CCDC3: variants seen among roughly 807,000 people sequenced by gnomAD.
The protein encoded by CCDC3 is coiled-coil domain-containing protein 3.
CCDC3 carries 24 observed loss-of-function variants against 21.4 expected under a neutral mutation model. That is an observed-to-expected ratio of 1.12 (90% CI 0.81 to 1.58). The LOEUF (loss-of-function observed/expected upper bound fraction) is 1.58. CCDC3 is among the 40% of genes most tolerant of loss of function. CCDC3 has a pLI of 0.00. For synonymous variants in CCDC3, 186 were observed against 166.0 expected (o/e 1.12, Z -0.93); for missense variants, 425 against 360.9 (o/e 1.18, Z -1.44).
At chr10:12,983,152 A>ATATATATATCTATC in intron 2 of CCDC3, among the ~76,000 whole-genome samples, 1 of 65,080 alleles carries the variant, frequency 1.5e-5, no homozygotes, top group South Asian at 5.3e-4. Flanking sequence ...ATATATATAT[A>ATATATATATCTATC]TATATATATA....
chr10:13,034,924 G>C (rs1836358845), intron 5 of CCDC3, among the ~76,000 whole-genome samples: 1 of 152,018 alleles, frequency 6.6e-6, no homozygotes, highest in South Asian at 2.1e-4. Context: ...TACTTGGGAG[G>C]CTGAGGCAGG....
At chr10:12,912,032 C>G (rs904243338) in intron 2 of CCDC3, among the ~76,000 whole-genome samples, 2 of 152,136 alleles carry the variant, frequency 1.3e-5, no homozygotes, top group East Asian at 3.8e-4. Context: ...TGTTCTTTAT[C>G]GATTCATTCA....
intron 1 of CCDC3, among the ~76,000 whole-genome samples, chr10:13,000,014 G>A (rs1002196625): frequency 6.6e-6 from 1 of 152,148 alleles, no homozygotes; most frequent in Non-Finnish European, 1.5e-5. Flanking sequence ...TAGATATTCT[G>A]GCTTCAATAT....
Position 12,968,170 on chromosome 10 carries a change from G to GA in CCDC3, c.549+30167dup, listed in dbSNP as rs201352248. 8.4e-3 allele frequency among the ~76,000 whole-genome samples: 680 copies of GA among 81,066 alleles called. 14 individuals carry two copies. The highest frequency in any genetic ancestry group is 0.082 in the East Asian group (210 of 2,576). The allele number at this position is 81,066 out of a possible 152,430, so 53.2% of individuals were successfully genotyped here. On this transcript the variant is annotated intron_variant, in intron 2 of 2. Transcript: ENST00000378825. The stretch of plus-strand genomic sequence containing the variant: ...GGTGAAAGAGCGAGACTTCACCTCA[G>GA]AAAAAAAAAAGAAAATACAAACACA...
intron 2 of CCDC3, among the ~76,000 whole-genome samples, chr10:12,905,229 C>CG (rs1343273427): frequency 2.0e-5 from 3 of 152,162 alleles, no homozygotes; most frequent in African/African-American, 7.2e-5. Context: ...TGGGCCACAT[C>CG]TGGCCCCCTG....
intron 3 of CCDC3, among the ~76,000 whole-genome samples, chr10:13,097,508 G>A (rs1433282088): frequency 1.3e-5 from 2 of 152,172 alleles, no homozygotes; most frequent in African/African-American, 4.8e-5. Context: ...TGGATCACCC[G>A]AGGTCAGGAG....
chr10:13,085,966 TAA>T (rs60901983), intron 3 of CCDC3, among the ~76,000 whole-genome samples: 13 of 138,348 alleles, frequency 9.4e-5, no homozygotes, highest in Non-Finnish European at 7.8e-5. Context: ...GACTCCCTCT[TAA>T]AAAAAAAAAA....
At chr10:12,979,964 T>C (rs1407609582) in intron 2 of CCDC3, among the ~76,000 whole-genome samples, 4 of 152,194 alleles carry the variant, frequency 2.6e-5, no homozygotes, top group African/African-American at 9.7e-5. Context: ...ATGATGATTA[T>C]TGCATTTAAG....
At chr10:12,943,083 T>C (rs1469715909) in intron 2 of CCDC3, among the ~76,000 whole-genome samples, 2 of 152,180 alleles carry the variant, frequency 1.3e-5, no homozygotes, top group African/African-American at 2.4e-5. Flanking sequence ...AATTAAGTTA[T>C]AAAAGAGCTT....
chr10:12,909,897 C>T (rs192096360), intron 2 of CCDC3, among the ~76,000 whole-genome samples: 13 of 152,312 alleles, frequency 8.5e-5, no homozygotes, highest in Admixed American at 7.8e-4. Context: ...CTGAAAAAGG[C>T]AGTGAAAGGC....
rs146002552 is a variant in CCDC3 at position 12,922,510 on chromosome 10, G to A, written c.550-23831C>T. On this transcript the variant is annotated intron_variant, in intron 2 of 2. Coordinates refer to ENST00000378825, the MANE Select transcript of CCDC3 (RefSeq NM_031455.4). ...GGGCCACTGCTGTTAGGGTGGCTGT[G>A]ACAATTTAAGAAGAGGCTTGTAAGG... Among the ~76,000 whole-genome samples, 1,024 of 152,304 alleles carry A rather than the reference G, an allele frequency of 6.7e-3. 3 individuals carry two copies. Among genetic ancestry groups the A allele is most frequent in the Non-Finnish European group, 0.011 (736 of 68,018 alleles).
intron 5 of CCDC3, among the ~76,000 whole-genome samples, chr10:13,031,901 C>G (rs1836309163): frequency 6.6e-6 from 1 of 152,176 alleles, no homozygotes; most frequent in Non-Finnish European, 1.5e-5. Context: ...CAGCTAAATT[C>G]TACCAGAGGT....
chr10:13,064,703 G>A (rs1008008225), intron 4 of CCDC3, among the ~76,000 whole-genome samples: 5 of 152,096 alleles, frequency 3.3e-5, no homozygotes, highest in Admixed American at 6.5e-5. Flanking sequence ...GGAGAATGGC[G>A]TGAACCTGGA....
At chr10:13,038,338 C>G (rs112181188) in intron 5 of CCDC3, among the ~76,000 whole-genome samples, 2 of 146,130 alleles carry the variant, frequency 1.4e-5, no homozygotes, top group Non-Finnish European at 3.0e-5. Flanking sequence ...ATGTGCACAT[C>G]CTGCACATGT....
chr10:13,069,291 T>G (rs983265424), intron 4 of CCDC3, among the ~76,000 whole-genome samples: 6 of 152,226 alleles, frequency 3.9e-5, no homozygotes, highest in Non-Finnish European at 7.3e-5. Context: ...CAAAAGAAAT[T>G]CCATGTGTGA....
chr10:12,952,623 T>C (rs968403877), intron 2 of CCDC3, among the ~76,000 whole-genome samples: 28 of 152,204 alleles, frequency 1.8e-4, no homozygotes, highest in African/African-American at 5.3e-4. Context: ...TCCTTTGGCA[T>C]TGATGAACGA....
At chr10:12,928,384 C>T (rs1834580376) in intron 2 of CCDC3, among the ~76,000 whole-genome samples, 1 of 152,110 alleles carries the variant, frequency 6.6e-6, no homozygotes, top group Non-Finnish European at 1.5e-5. Flanking sequence ...TTCTTTTTCC[C>T]AGTAGTTTTC....
At chr10:12,911,373 G>A (rs1406503107) in intron 2 of CCDC3, among the ~76,000 whole-genome samples, 1 of 152,188 alleles carries the variant, frequency 6.6e-6, no homozygotes, top group Non-Finnish European at 1.5e-5. Flanking sequence ...CAGAGTCACT[G>A]CTGAATGAAA....
At chr10:12,958,315 C>T (rs13376826) in intron 2 of CCDC3, among the ~76,000 whole-genome samples, 77,722 of 151,866 alleles carry the variant, frequency 0.51, 22,599 homozygotes, top group Non-Finnish European at 0.65. Context: ...TCTAGAACTG[C>T]AACCTGACAC....
Sources: gnomAD v4.1 joint callset for allele counts (sites outside exome capture counted in the v4.1 genomes callset) on GRCh38, gnomAD v4.1.1 for gene constraint, MANE v1.5 for transcripts, NCBI Gene and HGNC (gene_info 2026-07-23, HGNC 2026-07-21) for gene names.